NFAT5: variants seen among roughly 807,000 people sequenced by gnomAD.
NFAT5 encodes nuclear factor of activated T-cells 5.
NFAT5 carries 31 observed loss-of-function variants against 166.5 expected under a neutral mutation model. The ratio of observed to expected loss-of-function variants is 0.19; its 90% CI spans 0.14 to 0.25. The LOEUF is 0.25. Ranked by LOEUF, NFAT5 falls within the 10% of genes least tolerant of loss-of-function variation. The pLI is 1.00. For missense variants in NFAT5, 1,449 were observed against 1,821.8 expected, an observed-to-expected ratio of 0.80 and a Z score of 3.72; for synonymous variants, 612 against 639.7, an observed-to-expected ratio of 0.96 and a Z score of 0.65.
At chr16:69,619,791 C>G (rs2034119201) in intron 2 of NFAT5, among the ~76,000 whole-genome samples, 1 of 152,174 alleles carries the variant, frequency 6.6e-6, no homozygotes, top group South Asian at 2.1e-4. Flanking sequence ...GGGTGATCAG[C>G]TCTTTGGACA....
intron 2 of NFAT5, among the ~76,000 whole-genome samples, chr16:69,576,217 G>A (rs1484927079): frequency 2.0e-5 from 3 of 151,312 alleles, no homozygotes; most frequent in African/African-American, 7.3e-5. Context: ...GCTTGAACCC[G>A]GAAGGTGGAG....
intron 2 of NFAT5, among the ~76,000 whole-genome samples, chr16:69,625,343 G>T (rs1171729633): frequency 1.3e-5 from 2 of 151,590 alleles, no homozygotes; most frequent in Non-Finnish European, 2.9e-5. Context: ...AATTTTATGG[G>T]CAATTATAGT....
At chr16:69,646,020 A>G (rs1206010047) in intron 3 of NFAT5, among the ~76,000 whole-genome samples, 2 of 152,174 alleles carry the variant, frequency 1.3e-5, no homozygotes, top group African/African-American at 4.8e-5. Flanking sequence ...GATGCTCTCC[A>G]GAGATTTTTA....
intron 4 of NFAT5, chr16:69,648,489 G>T (rs1358872825): frequency 1.3e-5 from 13 of 984,692 alleles, no homozygotes; most frequent in Non-Finnish European, 1.6e-5. Context: ...GTGATTCTGG[G>T]TTACTTATTT....
Position 69,692,087 on chromosome 16 carries a change from G to A in NFAT5, c.2262G>A (p.Glu754=). 6.2e-7 allele frequency: 1 copy of A among 1,614,072 alleles called. No homozygotes were observed. Among genetic ancestry groups the A allele is most frequent in the Non-Finnish European group, 8.5e-7 (1 of 1,180,018 alleles). The change falls in exon 13 of 15, where the codon GAG becomes GAA. Residue 754 remains glutamate, a synonymous_variant. Transcript: ENST00000349945. The stretch of plus-strand genomic sequence containing the variant: ...TGGTTAATTTGTCACAACTGACTGA[G>A]GCATCACAACAACAGCAGCAGTCAC... ...GTVVNLSQLT[E]ASQQQQQSPL...
At chr16:69,658,062 C>T (rs1420083667) in intron 6 of NFAT5, among the ~76,000 whole-genome samples, 1 of 147,562 alleles carries the variant, frequency 6.8e-6, no homozygotes, top group East Asian at 2.0e-4. Context: ...CCAGCCTGGG[C>T]GACAGGGCGA....
intron 2 of NFAT5, among the ~76,000 whole-genome samples, chr16:69,571,505 T>C (rs1235353205): frequency 6.6e-6 from 1 of 152,086 alleles, no homozygotes; most frequent in Admixed American, 6.6e-5. Flanking sequence ...TTGACTACTG[T>C]GCTGTACTAA....
chr16:69,604,172 T>C (rs1157806221), intron 2 of NFAT5, among the ~76,000 whole-genome samples: 1 of 152,180 alleles, frequency 6.6e-6, no homozygotes, highest in Non-Finnish European at 1.5e-5. Flanking sequence ...AGCTGGGATT[T>C]AAATGGAGGC....
intron 2 of NFAT5, among the ~76,000 whole-genome samples, chr16:69,572,393 A>G (rs140347649): frequency 3.2e-4 from 49 of 152,256 alleles, no homozygotes; most frequent in East Asian, 1.7e-3. Context: ...CTGATTTTCT[A>G]TTTTTCAATT....
intron 3 of NFAT5, among the ~76,000 whole-genome samples, chr16:69,635,713 A>C (rs903448471): frequency 9.2e-5 from 14 of 152,234 alleles, no homozygotes; most frequent in African/African-American, 3.4e-4. Flanking sequence ...TAAACCCATC[A>C]GATCTCCTGA....
chr16:69,645,027 A>G (rs71397984), intron 3 of NFAT5, among the ~76,000 whole-genome samples: 5 of 152,338 alleles, frequency 3.3e-5, no homozygotes, highest in South Asian at 4.1e-4. Context: ...GTTTTTGCCA[A>G]TAGTTGGAAC....
intron 7 of NFAT5, among the ~76,000 whole-genome samples, chr16:69,669,432 C>T (rs1223779532): frequency 6.6e-6 from 1 of 152,062 alleles, no homozygotes; most frequent in African/African-American, 2.4e-5. Flanking sequence ...GTAATCTCAG[C>T]TACTGAGGAG....
At chr16:69,685,092 T>G in intron 11 of NFAT5, 122 bp downstream of exon 11, 1 of 441,994 alleles carries the variant, frequency 2.3e-6, no homozygotes, top group Non-Finnish European at 4.0e-6. Context: ...CTTCATATTG[T>G]AAAATAAATA....
At chr16:69,648,042 G>T (rs568286855) in intron 4 of NFAT5, among the ~76,000 whole-genome samples, 1 of 152,018 alleles carries the variant, frequency 6.6e-6, no homozygotes, top group East Asian at 1.9e-4. Flanking sequence ...GGGCATTGTG[G>T]CATGTGCCTG....
At chr16:69,586,627 T>A (rs1363061086) in intron 2 of NFAT5, among the ~76,000 whole-genome samples, 1 of 152,144 alleles carries the variant, frequency 6.6e-6, no homozygotes, top group Non-Finnish European at 1.5e-5. Context: ...GGTCTTGAAC[T>A]CCTGACCTCA....
chr16:69,629,768 ATTTTTT>A (rs761809860), intron 3 of NFAT5, among the ~76,000 whole-genome samples: 10 of 111,728 alleles, frequency 9.0e-5, no homozygotes, highest in African/African-American at 2.4e-4. Context: ...CACTGGGCTA[ATTTTTT>A]TTTTTTTTTT....
intron 2 of NFAT5, among the ~76,000 whole-genome samples, chr16:69,621,302 G>A (rs773118040): frequency 6.6e-6 from 1 of 151,068 alleles, no homozygotes; most frequent in East Asian, 1.9e-4. Flanking sequence ...TACTATAAAG[G>A]TTACCCATTT....
intron 7 of NFAT5, among the ~76,000 whole-genome samples, chr16:69,662,902 T>C (rs1324198446): frequency 6.6e-6 from 1 of 152,006 alleles, no homozygotes; most frequent in Non-Finnish European, 1.5e-5. Flanking sequence ...ATAAAAATGA[T>C]CTACAGTAAA....
In NFAT5 at chr16:69,593,343, A is replaced by T. The variant is rs541980602; in HGVS notation, c.127+24795A>T. ...CACAGTTACTTCTTTTTTAAAAAAAAATTTTTTTAATTTTAAGACAGGGTC... is the reference window on the plus strand; with the variant it reads ...CACAGTTACTTCTTTTTTAAAAAAATATTTTTTTAATTTTAAGACAGGGTC... On this transcript the variant is annotated intron_variant, in intron 2 of 14. Coordinates refer to ENST00000349945, the MANE Select transcript of NFAT5 (RefSeq NM_138713.4). Among the ~76,000 whole-genome samples the T allele has an allele frequency of 1.9e-3, 296 of 152,134 alleles. 1 individual carries two copies. The highest frequency in any genetic ancestry group is 3.4e-3 in the Middle Eastern group (1 of 294).
Sources: gnomAD v4.1 joint callset for allele counts (sites outside exome capture counted in the v4.1 genomes callset) on GRCh38, gnomAD v4.1.1 for gene constraint, MANE v1.5 for transcripts, NCBI Gene and HGNC (gene_info 2026-07-23, HGNC 2026-07-21) for gene names.